The following KCNQ5 variants were observed in gnomAD, a reference collection of about 807,000 sequenced individuals.
The protein encoded by KCNQ5 is potassium voltage-gated channel subfamily KQT member 5.
Under a neutral mutation model 98.2 loss-of-function variants are expected in KCNQ5, and 30 were observed. That is an observed-to-expected ratio of 0.31 (90% confidence interval 0.23 to 0.41). The LOEUF (loss-of-function observed/expected upper bound fraction) is 0.41. KCNQ5 is among the 10% of genes least tolerant of loss of function. The probability of loss-of-function intolerance (pLI) is 1.00; values close to 1 mark genes in which losing one functional copy is unlikely to be tolerated. For synonymous variants in KCNQ5, 458 were observed against 449.4 expected (o/e 1.02, Z -0.24); for missense variants, 835 against 1,182.5 (o/e 0.71, Z 4.31).
chr6:72,987,696 C>T (rs182021431), intron 1 of KCNQ5: 8 of 584,012 alleles, frequency 1.4e-5, no homozygotes, highest in Non-Finnish European at 2.5e-5. Flanking sequence ...CCGCCCCCAA[C>T]AAGATCTTTT....
At chr6:72,838,203 A>G (rs1166333775) in intron 1 of KCNQ5, among the ~76,000 whole-genome samples, 2 of 149,086 alleles carry the variant, frequency 1.3e-5, no homozygotes, top group Non-Finnish European at 3.0e-5. Context: ...TAAATAGGAT[A>G]TCAATGTCCG....
At chr6:73,010,551 G>A in intron 2 of KCNQ5, among the ~76,000 whole-genome samples, 1 of 149,048 alleles carries the variant, frequency 6.7e-6, no homozygotes, top group Non-Finnish European at 1.5e-5. Flanking sequence ...TTAAATAAAA[G>A]AAACAAAAGG....
At chr6:73,092,349 A>G (rs894574209) in intron 5 of KCNQ5, among the ~76,000 whole-genome samples, 1 of 152,068 alleles carries the variant, frequency 6.6e-6, no homozygotes, top group African/African-American at 2.4e-5. Context: ...CTTCCTCTTT[A>G]ATGAGTTGGA....
chr6:73,169,150 T>A lies in KCNQ5; in HGVS notation c.1469-596T>A, dbSNP rs374606764. ...CAAACATTTGCAATTAACCCAAAAG[T>A]AAATTTCCTTGGTTTACGAAAAACT... is the stretch of plus-strand genomic sequence containing the variant. On this transcript the variant is annotated intron_variant, in intron 10 of 13. Coordinates refer to ENST00000370398, the MANE Select transcript of KCNQ5 (RefSeq NM_019842.4). 8.6e-5 allele frequency among the ~76,000 whole-genome samples: 13 copies of A among 151,602 alleles called. No homozygotes were observed. The East Asian group carries it at 2.1e-3, about 25-fold the overall frequency.
intron 1 of KCNQ5, among the ~76,000 whole-genome samples, chr6:72,772,704 C>T (rs1018724904): frequency 2.0e-5 from 3 of 152,160 alleles, no homozygotes; most frequent in Non-Finnish European, 4.4e-5. Context: ...TTCCTACTTG[C>T]TCAACCTGTC....
intron 1 of KCNQ5, among the ~76,000 whole-genome samples, chr6:72,799,090 CAGAG>C (rs1223382929): frequency 7.2e-5 from 11 of 151,980 alleles, no homozygotes; most frequent in African/African-American, 1.5e-4. Context: ...TATAGAGAGA[CAGAG>C]AGAGAAGAGA....
chr6:73,193,163 G>A (rs1022991948), intron 13 of KCNQ5, among the ~76,000 whole-genome samples: 21 of 151,758 alleles, frequency 1.4e-4, no homozygotes, highest in Admixed American at 9.2e-4. Flanking sequence ...TGGGATTACA[G>A]GCATGCGCCA....
At chr6:72,909,754 T>C (rs1463767480) in intron 1 of KCNQ5, among the ~76,000 whole-genome samples, 1 of 152,180 alleles carries the variant, frequency 6.6e-6, no homozygotes, top group East Asian at 1.9e-4. Flanking sequence ...TCAAAGCAGA[T>C]ACCTAAAGGA....
chr6:73,170,903 C>A (rs1777989594), intron 11 of KCNQ5, among the ~76,000 whole-genome samples: 1 of 152,044 alleles, frequency 6.6e-6, no homozygotes, highest in African/African-American at 2.4e-5. Flanking sequence ...CACTGCACTC[C>A]AGCCTGGGCA....
chr6:72,763,402 CAT>C (rs1221955759), intron 1 of KCNQ5, among the ~76,000 whole-genome samples: 1 of 152,038 alleles, frequency 6.6e-6, no homozygotes, highest in Non-Finnish European at 1.5e-5. Context: ...TTCTCCCACA[CAT>C]AGACTCATCT....
At chr6:72,743,995 T>C (rs1771253106) in intron 1 of KCNQ5, among the ~76,000 whole-genome samples, 1 of 152,200 alleles carries the variant, frequency 6.6e-6, no homozygotes, top group Non-Finnish European at 1.5e-5. Context: ...ATGATCCCTT[T>C]GAGACCCAGC....
chr6:72,924,735 G>C (rs1052099840), intron 1 of KCNQ5, among the ~76,000 whole-genome samples: 7 of 152,114 alleles, frequency 4.6e-5, no homozygotes, highest in African/African-American at 1.7e-4. Context: ...AGCAACTGCT[G>C]TCTTGGTTTG....
chr6:73,033,700 C>T (rs542408919), intron 2 of KCNQ5, among the ~76,000 whole-genome samples: 2 of 152,054 alleles, frequency 1.3e-5, no homozygotes, highest in African/African-American at 4.8e-5. Flanking sequence ...ATCTCCACCC[C>T]ACTCCCACTT....
At chr6:72,750,632 T>C (rs1340552791) in intron 1 of KCNQ5, among the ~76,000 whole-genome samples, 1 of 152,026 alleles carries the variant, frequency 6.6e-6, no homozygotes, top group African/African-American at 2.4e-5. Context: ...CATTTCAAAA[T>C]TTAAGTCATT....
At chr6:72,733,807 C>T (rs1770679755) in intron 1 of KCNQ5, among the ~76,000 whole-genome samples, 1 of 152,272 alleles carries the variant, frequency 6.6e-6, no homozygotes, top group Non-Finnish European at 1.5e-5. Context: ...GAATGAGTTG[C>T]CTAGGAGCAG....
At chr6:72,810,704 T>C (rs1775198883) in intron 1 of KCNQ5, among the ~76,000 whole-genome samples, 1 of 152,222 alleles carries the variant, frequency 6.6e-6, no homozygotes, top group African/African-American at 2.4e-5. Context: ...ATTTTGGCTT[T>C]CCATGAACAT....
chr6:73,146,332 C>G (rs7744394), intron 10 of KCNQ5, among the ~76,000 whole-genome samples: 32,906 of 152,090 alleles, frequency 0.22, 8,491 homozygotes, highest in African/African-American at 0.61. Context: ...AGAATGGTAA[C>G]AGCAATTCAT....
intron 1 of KCNQ5, among the ~76,000 whole-genome samples, chr6:72,896,907 A>C (rs1330095396): frequency 6.6e-6 from 1 of 152,086 alleles, no homozygotes; most frequent in Non-Finnish European, 1.5e-5. Context: ...TTCTCTTACT[A>C]GGGAATTCTG....
At chr6:72,867,201 T>A (rs886613489) in intron 1 of KCNQ5, among the ~76,000 whole-genome samples, 2 of 152,220 alleles carry the variant, frequency 1.3e-5, no homozygotes, top group Admixed American at 6.5e-5. Context: ...TCACAAAAAA[T>A]TTGCTTAGCT....
Sources: gnomAD v4.1 joint callset for allele counts (sites outside exome capture counted in the v4.1 genomes callset) on GRCh38, gnomAD v4.1.1 for gene constraint, MANE v1.5 for transcripts, NCBI Gene and HGNC (gene_info 2026-07-23, HGNC 2026-07-21) for gene names.